Variants in ADCK1 observed in about 807,000 individuals in gnomAD.
ADCK1 encodes the protein aarF domain-containing protein kinase 1.
A neutral mutation model predicts 52.3 loss-of-function variants in ADCK1; 41 were observed. The ratio of observed to expected loss-of-function variants is 0.78; its 90% CI spans 0.61 to 1.02. The LOEUF (loss-of-function observed/expected upper bound fraction) is 1.02. Ranked by LOEUF, ADCK1 falls within the 50% of genes least tolerant of loss-of-function variation. The pLI is 0.00. For synonymous variants in ADCK1, 250 were observed against 274.6 expected, an observed-to-expected ratio of 0.91 and a Z score of 0.89; for missense variants, 658 against 679.5, an observed-to-expected ratio of 0.97 and a Z score of 0.35.
chr14:77,932,021 G>A (rs993303729), intron 10 of ADCK1, among the ~76,000 whole-genome samples: 3 of 152,018 alleles, frequency 2.0e-5, no homozygotes, highest in Non-Finnish European at 2.9e-5. Flanking sequence ...CTTGATCTCA[G>A]ATCTTTTTAT....
intron 3 of ADCK1, among the ~76,000 whole-genome samples, chr14:77,836,418 G>T (rs1001825999): frequency 2.6e-5 from 4 of 152,172 alleles, no homozygotes; most frequent in African/African-American, 9.7e-5. Context: ...AGCCCAATGA[G>T]GTAAATACCA....
intron 4 of ADCK1, among the ~76,000 whole-genome samples, chr14:77,875,591 A>G (rs550030243): frequency 5.9e-5 from 9 of 152,240 alleles, no homozygotes; most frequent in African/African-American, 2.2e-4. Context: ...TGTTATTTCA[A>G]CAGCTAGAGC....
intron 4 of ADCK1, among the ~76,000 whole-genome samples, chr14:77,867,701 C>G (rs2082691671): frequency 6.6e-6 from 1 of 152,208 alleles, no homozygotes; most frequent in Non-Finnish European, 1.5e-5. Flanking sequence ...GACCTTCTCC[C>G]TGTGACCACT....
intron 7 of ADCK1, among the ~76,000 whole-genome samples, chr14:77,917,853 GGGT>G (rs2083961463): frequency 6.6e-6 from 1 of 152,102 alleles, no homozygotes; most frequent in Non-Finnish European, 1.5e-5. Flanking sequence ...GGTTGGAGTG[GGGT>G]GGTGTTCAGA....
intron 6 of ADCK1, among the ~76,000 whole-genome samples, chr14:77,906,593 A>G (rs934282731): frequency 1.3e-5 from 2 of 152,236 alleles, no homozygotes; most frequent in African/African-American, 4.8e-5. Flanking sequence ...TCACATAGCA[A>G]GAAGGTTTGC....
At chr14:77,820,726 A>G (rs2081564073) in intron 2 of ADCK1, among the ~76,000 whole-genome samples, 1 of 150,426 alleles carries the variant, frequency 6.6e-6, no homozygotes, top group Admixed American at 6.7e-5. Context: ...AACAATCCAA[A>G]TCCATGCATC....
chr14:77,816,881 A>AAAATAT (rs150077207), intron 1 of ADCK1, among the ~76,000 whole-genome samples: 6 of 110,028 alleles, frequency 5.5e-5, no homozygotes, highest in African/African-American at 1.7e-4. Context: ...GTAGATGGTA[A>AAAATAT]ATATATATAT....
chr14:77,869,093 A>G (rs1270293633), intron 4 of ADCK1, among the ~76,000 whole-genome samples: 4 of 152,080 alleles, frequency 2.6e-5, no homozygotes, highest in Non-Finnish European at 2.9e-5. Flanking sequence ...AGTAATGACC[A>G]CAGGTAATTC....
rs140555148 is a variant in ADCK1 at position 77,860,601 on chromosome 14, A to G, written c.423+1322A>G. 2.1e-3 allele frequency among the ~76,000 whole-genome samples: 322 copies of G among 152,304 alleles called. 5 individuals carry two copies. The South Asian group carries it at 0.032, about 15-fold the overall frequency. ...TCTGCCACTGAGGAACATGTCCTCC[A>G]AAGGGAGAGACATTGAGTGAAAGGT... On this transcript the variant is annotated intron_variant, in intron 4 of 10. Coordinates refer to ENST00000238561, the MANE Select transcript of ADCK1 (RefSeq NM_020421.4).
intron 4 of ADCK1, among the ~76,000 whole-genome samples, chr14:77,869,326 G>T (rs2082727671): frequency 6.6e-6 from 1 of 152,138 alleles, no homozygotes; most frequent in African/African-American, 2.4e-5. Context: ...CTTCTGGGGG[G>T]TTTGCTGGCA....
chr14:77,826,834 G>A (rs1303698692), intron 3 of ADCK1, among the ~76,000 whole-genome samples: 2 of 152,150 alleles, frequency 1.3e-5, no homozygotes, highest in East Asian at 3.9e-4. Context: ...ACCCTTATTA[G>A]CCAGGTGATC....
At chr14:77,906,375 G>C (rs1390547029) in intron 6 of ADCK1, among the ~76,000 whole-genome samples, 1 of 152,242 alleles carries the variant, frequency 6.6e-6, no homozygotes, top group African/African-American at 2.4e-5. Context: ...CCTCCTGGCT[G>C]TGGGGGTACT....
intron 4 of ADCK1, among the ~76,000 whole-genome samples, chr14:77,867,752 G>A (rs570304391): frequency 2.9e-4 from 44 of 152,262 alleles, no homozygotes; most frequent in African/African-American, 9.4e-4. Flanking sequence ...CCCTGCTCCC[G>A]GCCTGTGTCC....
At chr14:77,928,682 G>C (rs542942792) in intron 9 of ADCK1, among the ~76,000 whole-genome samples, 1 of 152,000 alleles carries the variant, frequency 6.6e-6, no homozygotes. Flanking sequence ...AGATGGTCTC[G>C]ATCTCCTGAC....
chr14:77,852,671 A>ATATATATAT (rs2082316875), intron 3 of ADCK1, among the ~76,000 whole-genome samples: 1 of 10,804 alleles, frequency 9.3e-5, no homozygotes, highest in African/African-American at 2.0e-4. Context: ...ATATATATAT[A>ATATATATAT]TATATATATA....
chr14:77,929,220 C>T (rs925896667), intron 9 of ADCK1, among the ~76,000 whole-genome samples: 1 of 152,158 alleles, frequency 6.6e-6, no homozygotes, highest in Non-Finnish European at 1.5e-5. Flanking sequence ...GAATGTTTTC[C>T]CCAACTAACC....
intron 1 of ADCK1, among the ~76,000 whole-genome samples, chr14:77,818,475 T>A (rs1180085488): frequency 2.0e-5 from 3 of 152,020 alleles, no homozygotes; most frequent in Non-Finnish European, 4.4e-5. Context: ...AGAGACGGGG[T>A]TTCGTCTTGT....
At chr14:77,817,101 G>A (rs2081471942) in intron 1 of ADCK1, among the ~76,000 whole-genome samples, 1 of 151,898 alleles carries the variant, frequency 6.6e-6, no homozygotes, top group South Asian at 2.1e-4. Flanking sequence ...AATTAGCTGG[G>A]CATGGTGGTG....
intron 7 of ADCK1, among the ~76,000 whole-genome samples, chr14:77,911,732 CTT>C (rs572112070): frequency 2.0e-4 from 28 of 139,000 alleles, no homozygotes; most frequent in Admixed American, 2.9e-4. Flanking sequence ...CCCCAGCTTT[CTT>C]TTTTTTTTTT....
Sources: gnomAD v4.1 joint callset for allele counts (sites outside exome capture counted in the v4.1 genomes callset) on GRCh38, gnomAD v4.1.1 for gene constraint, MANE v1.5 for transcripts, NCBI Gene and HGNC (gene_info 2026-07-23, HGNC 2026-07-21) for gene names.